Variants in TLN2 observed in about 807,000 individuals in gnomAD.
TLN2 encodes the protein talin 2, also known as talin-2.
In TLN2, 118 loss-of-function variants were observed where a neutral mutation model predicts 294.7. The observed-to-expected ratio is 0.40, with a 90% CI of 0.34 to 0.47. The LOEUF (loss-of-function observed/expected upper bound fraction) is 0.47, where lower values mean the gene tolerates loss of function less well. TLN2 is among the 20% of genes least tolerant of loss of function. TLN2 has a pLI of 0.84. For synonymous variants in TLN2, 1,431 were observed against 1,304.5 expected, an observed-to-expected ratio of 1.10 and a Z score of -2.09; for missense variants, 3,083 against 3,282.2, an observed-to-expected ratio of 0.94 and a Z score of 1.48.
chr15:62,498,899 G>C (rs1349407374), intron 1 of TLN2, among the ~76,000 whole-genome samples: 1 of 152,186 alleles, frequency 6.6e-6, no homozygotes, highest in African/African-American at 2.4e-5. Flanking sequence ...CTGTACAGGG[G>C]TTATTGTTCT....
At chr15:62,646,913 CTCT>C (rs1567254041) in intron 3 of TLN2, among the ~76,000 whole-genome samples, 1 of 152,170 alleles carries the variant, frequency 6.6e-6, no homozygotes, top group Non-Finnish European at 1.5e-5. Context: ...GGCTCTCTGC[CTCT>C]TGCCTTGAGG....
At position 62,724,909 on chromosome 15, in the gene TLN2, T is replaced by A. The variant is rs1255636480; in HGVS notation, c.3127-67T>A. ...TATATCCAGAAGGGCATTTTATAAG[T>A]TGCAAAAGTGTTGGGGACACTTTTC... On this transcript the variant is annotated intron_variant, in intron 26 of 58. Coordinates refer to ENST00000636159, the MANE Select transcript of TLN2 (RefSeq NM_015059.3). 7.1e-6 allele frequency: 11 copies of A among 1,543,490 alleles called. No individual in the cohort carries two copies. The Admixed American group carries it at 2.0e-4, about 28-fold the overall frequency.
At chr15:62,548,998 A>G (rs1230189780) in intron 1 of TLN2, among the ~76,000 whole-genome samples, 1 of 152,178 alleles carries the variant, frequency 6.6e-6, no homozygotes, top group Non-Finnish European at 1.5e-5. Flanking sequence ...ATGGTTTGCC[A>G]CTGGTCTTAA....
At chr15:62,435,343 C>A (rs904862326) in intron 1 of TLN2, among the ~76,000 whole-genome samples, 3 of 152,202 alleles carry the variant, frequency 2.0e-5, no homozygotes, top group Admixed American at 2.0e-4. Context: ...AATTGCCACA[C>A]TATCTTCCGC....
intron 1 of TLN2, among the ~76,000 whole-genome samples, chr15:62,441,431 C>G (rs1047905413): frequency 2.0e-5 from 3 of 152,176 alleles, no homozygotes; most frequent in Non-Finnish European, 4.4e-5. Context: ...GAATCCACCC[C>G]TGAATACATG....
intron 46 of TLN2, among the ~76,000 whole-genome samples, chr15:62,795,484 G>A (rs577645418): frequency 2.0e-5 from 3 of 152,126 alleles, no homozygotes; most frequent in South Asian, 2.1e-4. Context: ...GAAGACACCC[G>A]AGTGAACTTG....
chr15:62,501,095 T>C (rs2039280301), intron 1 of TLN2, among the ~76,000 whole-genome samples: 1 of 152,262 alleles, frequency 6.6e-6, no homozygotes, highest in Admixed American at 6.5e-5. Flanking sequence ...ATGGGGCATG[T>C]TATAGACCAT....
intron 19 of TLN2, among the ~76,000 whole-genome samples, chr15:62,705,567 A>G (rs1595729464): frequency 1.3e-5 from 2 of 152,356 alleles, no homozygotes; most frequent in South Asian, 2.1e-4. Context: ...CTTTAGAACA[A>G]TCATGATTCT....
intron 7 of TLN2, among the ~76,000 whole-genome samples, chr15:62,653,831 C>G (rs1189968115): frequency 6.6e-6 from 1 of 151,396 alleles, no homozygotes; most frequent in Non-Finnish European, 1.5e-5. Context: ...TTCACATTTT[C>G]TTCATTATTG....
chr15:62,448,348 A>G (rs1239291796), intron 1 of TLN2, among the ~76,000 whole-genome samples: 1 of 152,182 alleles, frequency 6.6e-6, no homozygotes. Context: ...TGAGTCACTC[A>G]TTTGCAAATG....
intron 54 of TLN2, among the ~76,000 whole-genome samples, chr15:62,825,828 T>TATTATAA (rs1567687812): frequency 2.9e-3 from 43 of 14,596 alleles, no homozygotes; most frequent in Non-Finnish European, 5.2e-3. Flanking sequence ...ATATATATTA[T>TATTATAA]AATATATAAT....
At chr15:62,562,970 A>ACT (rs2043100687) in intron 1 of TLN2, among the ~76,000 whole-genome samples, 1 of 130,378 alleles carries the variant, frequency 7.7e-6, no homozygotes, top group Non-Finnish European at 1.6e-5. Context: ...ACACACACAC[A>ACT]CCAGTTTCTT....
chr15:62,678,597 AG>A (rs138892797), intron 11 of TLN2, among the ~76,000 whole-genome samples: 5,041 of 152,282 alleles, frequency 0.033, 278 homozygotes, highest in African/African-American at 0.11. Flanking sequence ...TTGGGAGGCC[AG>A]GGCAGGCAGA....
chr15:62,656,276 C>G (rs1414625245), intron 8 of TLN2, among the ~76,000 whole-genome samples, 190 bp downstream of exon 8: 1 of 152,164 alleles, frequency 6.6e-6, no homozygotes, highest in Non-Finnish European at 1.5e-5. Context: ...GAGCAGCTGA[C>G]CATCCGGAGT....
At chr15:62,696,117 C>T (rs1221944568) in intron 14 of TLN2, among the ~76,000 whole-genome samples, 1 of 152,226 alleles carries the variant, frequency 6.6e-6, no homozygotes, top group African/African-American at 2.4e-5. Context: ...CCTGGTGTCT[C>T]ACCACCCCAC....
At chr15:62,513,699 T>TAGAC (rs1285743234) in intron 1 of TLN2, among the ~76,000 whole-genome samples, 2 of 152,230 alleles carry the variant, frequency 1.3e-5, no homozygotes, top group African/African-American at 4.8e-5. Flanking sequence ...GCAGAGTGTC[T>TAGAC]GGCATATGGA....
chr15:62,457,913 G>C (rs1484747161), intron 1 of TLN2, among the ~76,000 whole-genome samples: 2 of 152,136 alleles, frequency 1.3e-5, no homozygotes, highest in Non-Finnish European at 2.9e-5. Context: ...GTTGCTTGTC[G>C]TGACTTATTT....
rs2053170703 is a variant in TLN2, at chr15:62,656,033, G to C, written c.607G>C (p.Asp203His). The change falls in exon 8 of 59, where the codon GAT (aspartate) becomes CAT (histidine). Residue 203 changes from aspartate (D) to histidine (H), a missense_variant. By Grantham distance (81) the Asp-to-His change is moderately conservative (BLOSUM62 -1). Transcript: ENST00000636159. The stretch of plus-strand genomic sequence containing the variant: ...GCTTAGACGGAAGTTCTTTTACTCT[G>C]ATCAGAATGTAGATTCGAGAGACCC... Reference protein sequence around the residue: ...LLLRRKFFYSDQNVDSRDPVQ... With the variant: ...LLLRRKFFYSHQNVDSRDPVQ... 6.2e-7 allele frequency: 1 copy of C among 1,614,090 alleles called. No individual in the cohort carries two copies. The highest frequency in any genetic ancestry group is 8.5e-7 in the Non-Finnish European group (1 of 1,180,054).
At chr15:62,675,582 G>T (rs921890810) in intron 11 of TLN2, among the ~76,000 whole-genome samples, 1 of 152,206 alleles carries the variant, frequency 6.6e-6, no homozygotes, top group African/African-American at 2.4e-5. Flanking sequence ...TAAAGTCCCT[G>T]AAGGAGTGAG....
Sources: allele counts gnomAD v4.1 joint callset (sites outside exome capture counted in the v4.1 genomes callset), GRCh38; gene constraint gnomAD v4.1.1; transcripts MANE v1.5; gene names NCBI Gene and HGNC (gene_info 2026-07-23, HGNC 2026-07-21).